The following SIRPA variants were observed in gnomAD, a reference collection of about 807,000 sequenced individuals.
SIRPA encodes signal regulatory protein alpha, also known as tyrosine-protein phosphatase non-receptor type substrate 1.
In SIRPA, 9 loss-of-function variants were observed where a neutral mutation model predicts 50.3. That is an observed-to-expected ratio of 0.18 (90% CI 0.11 to 0.31). SIRPA has a LOEUF of 0.31. SIRPA is among the 10% of genes least tolerant of loss of function. The pLI is 1.00. For synonymous variants in SIRPA, 265 were observed against 284.1 expected (o/e 0.93, Z 0.68); for missense variants, 474 against 661.6 (o/e 0.72, Z 3.11).
At chr20:1,908,601 A>C (rs980149829) in intron 1 of SIRPA, among the ~76,000 whole-genome samples, 1 of 152,026 alleles carries the variant, frequency 6.6e-6, no homozygotes, top group Non-Finnish European at 1.5e-5. Flanking sequence ...GTGCCCACCC[A>C]TGTGTACATG....
At position 1,928,818 on chromosome 20, in the gene SIRPA, G is replaced by C. The variant is rs942442155; in HGVS notation, c.1226+919G>C. Among the ~76,000 whole-genome samples, 1 of 152,172 alleles carries C rather than the reference G, an allele frequency of 6.6e-6. No homozygotes were observed. Among genetic ancestry groups the C allele is most frequent in the Non-Finnish European group, 1.5e-5 (1 of 68,030 alleles). On this transcript the variant is annotated intron_variant, in intron 6 of 7. Coordinates refer to ENST00000358771, the MANE Select transcript of SIRPA (RefSeq NM_001040023.2). This position sits in a 1 kb window ranked among gnomAD's most constrained non-coding sequence, Gnocchi z 4.9. ...GAAGACCCAGGTCCTCGGCATCCCG[G>C]TGTCCTTTGCAGATGCCCCTGCAGT...
chr20:1,895,114 C>T (rs1217879545), upstream of SIRPA, among the ~76,000 whole-genome samples: 2 of 151,622 alleles, frequency 1.3e-5, no homozygotes, highest in East Asian at 1.9e-4. Flanking sequence ...TTCTCCCCCT[C>T]TCGCCTCTCC....
At chr20:1,901,815 C>A (rs936341428) in intron 1 of SIRPA, among the ~76,000 whole-genome samples, 1 of 152,104 alleles carries the variant, frequency 6.6e-6, no homozygotes, top group Admixed American at 6.5e-5. Context: ...GCGCCAAGAG[C>A]CCAAGGAGAT....
intron 6 of SIRPA, among the ~76,000 whole-genome samples, chr20:1,930,310 A>G (rs920679386): frequency 1.3e-5 from 2 of 152,156 alleles, no homozygotes; most frequent in Non-Finnish European, 2.9e-5. Flanking sequence ...CACCTGTCCC[A>G]TTTCATAACC....
intron 1 of SIRPA, among the ~76,000 whole-genome samples, chr20:1,907,276 G>A (rs368779719): frequency 2.0e-5 from 3 of 152,206 alleles, no homozygotes; most frequent in Admixed American, 6.5e-5. Context: ...CTTCAATGCA[G>A]GTAGCAGTTT....
At position 1,937,453 on chromosome 20, in the gene SIRPA, C is replaced by A. The variant is rs1320556144; in HGVS notation, c.1400C>A (p.Thr467Asn). The change falls in exon 8 of 8, where the codon ACC becomes AAC. Residue 467 changes from threonine to asparagine, a missense_variant. By Grantham distance (65) the Thr-to-Asn change is moderately conservative. Transcript: ENST00000358771. This position sits in a 1 kb window ranked among gnomAD's most constrained non-coding sequence, Gnocchi z 8.3. Reference protein sequence around the residue: ...QTSPQPASEDTLTYADLDMVH... With the variant: ...QTSPQPASEDNLTYADLDMVH... ...AGCCCGCAGCCCGCGTCGGAGGACA[C>A]CCTCACCTATGCTGACCTGGACATG... 2 of 1,614,122 alleles carry A rather than the reference C, an allele frequency of 1.2e-6. No homozygotes were observed. The highest frequency in any genetic ancestry group is 1.3e-5 in the African/African-American group (1 of 74,998).
At position 1,937,528 on chromosome 20, in the gene SIRPA, CCTT is replaced by C; in HGVS notation, c.1478_1480del (p.Phe493del). On this transcript the variant is annotated inframe_deletion, in exon 8 of 8. Transcript: ENST00000358771. This position sits in a 1 kb window ranked among gnomAD's most constrained non-coding sequence, Gnocchi z 8.3. ...CAGCCGGCCCCCAAGCCTGAGCCGTCCTTCTCAGAGTACGCCAGCGTCCAGGTC... is the reference window on the plus strand; with the variant it reads ...CAGCCGGCCCCCAAGCCTGAGCCGTCCTCAGAGTACGCCAGCGTCCAGGTC... 2 of 1,614,176 alleles carry C rather than the reference CCTT, an allele frequency of 1.2e-6. No individual in the cohort carries two copies. Among genetic ancestry groups the C allele is most frequent in the South Asian group, 1.1e-5 (1 of 91,086 alleles).
In SIRPA at chr20:1,915,393, G is replaced by A. The variant is rs767136065; in HGVS notation, c.374G>A (p.Arg125Gln). Reference sequence around the variant, plus strand: ...GGCACCTACTACTGTGTGAAGTTCCGGAAAGGGAGCCCCGATGACGTGGAG... The same window carrying A: ...GGCACCTACTACTGTGTGAAGTTCCAGAAAGGGAGCCCCGATGACGTGGAG... ...DAGTYYCVKF[R>Q]KGSPDDVEFK... Residue 125 changes from arginine (R) to glutamine (Q), a missense_variant, in exon 2 of 8, where the codon CGG (arginine) becomes CAG (glutamine). This residue lies in a region of SIRPA where 221 missense variants were observed against 359.9 expected (regional missense o/e 0.61). Coordinates refer to ENST00000358771, the MANE Select transcript of SIRPA (RefSeq NM_001040023.2). 4 of 1,593,628 alleles carry A rather than the reference G, an allele frequency of 2.5e-6. No individual in the cohort carries two copies. The highest frequency in any genetic ancestry group is 1.4e-5 in the African/African-American group (1 of 71,226).
intron 1 of SIRPA, among the ~76,000 whole-genome samples, chr20:1,912,693 G>C (rs1485343954): frequency 6.6e-6 from 1 of 152,260 alleles, no homozygotes; most frequent in Non-Finnish European, 1.5e-5. Flanking sequence ...CCTCATGACT[G>C]TGCTGGGGTG....
chr20:1,915,569 T>C (rs987028361), intron 2 of SIRPA, 114 bp downstream of exon 2: 3 of 1,250,760 alleles, frequency 2.4e-6, no homozygotes, highest in Non-Finnish European at 3.4e-6. Context: ...TTTCCATGAA[T>C]TGATGTCTCC....
rs545751731 is a variant in SIRPA at position 1,901,355 on chromosome 20, G to A, written c.79+5829G>A. 2.0e-4 allele frequency among the ~76,000 whole-genome samples: 30 copies of A among 151,906 alleles called. No individual in the cohort carries two copies. The East Asian group carries it at 5.4e-3, about 28-fold the overall frequency. On this transcript the variant is annotated intron_variant, in intron 1 of 7. Transcript: ENST00000358771. ...CCAGCTAATTTTTGTGTTTTTAGTA[G>A]AGACTGGGTTTCACCATATTGATCA...
chr20:1,899,904 C>T (rs4813309), intron 1 of SIRPA, among the ~76,000 whole-genome samples: 28,257 of 152,092 alleles, frequency 0.19, 3,387 homozygotes, highest in East Asian at 0.64. Flanking sequence ...ATGTAGTAAG[C>T]ACTCAATACA....
rs74533271 is a variant in SIRPA at position 1,931,645 on chromosome 20, C to T, written c.1227-3070C>T. Among the ~76,000 whole-genome samples, 789 of 152,234 alleles carry T rather than the reference C, an allele frequency of 5.2e-3. 7 individuals carry two copies. The highest frequency in any genetic ancestry group is 0.018 in the African/African-American group (765 of 41,538). On this transcript the variant is annotated intron_variant, in intron 6 of 7. Coordinates refer to ENST00000358771, the MANE Select transcript of SIRPA (RefSeq NM_001040023.2). The stretch of plus-strand genomic sequence containing the variant: ...CTGGGATCAGACATTTTCCAGAGGA[C>T]GTTGGTGTGAGTAACAGCTGAGCAC...
At chr20:1,908,884 C>T (rs1416977163) in intron 1 of SIRPA, among the ~76,000 whole-genome samples, 5 of 152,162 alleles carry the variant, frequency 3.3e-5, no homozygotes, top group African/African-American at 7.2e-5. Context: ...TGTTTGCATC[C>T]GCCTTAATGC....
Position 1,939,903 on chromosome 20 carries a change from G to A in SIRPA, c.*2335G>A, listed in dbSNP as rs762866566. ...TTTCTGGGTAATAATGAGTCCTTCC[G>A]GTGTTCAGTATTCTTGTCTTTGTGA... On this transcript the variant is annotated 3_prime_UTR_variant, in exon 8 of 8. Coordinates refer to ENST00000358771, the MANE Select transcript of SIRPA (RefSeq NM_001040023.2). The surrounding 1 kb of genome is among the most constrained non-coding windows in gnomAD (Gnocchi z 4.7). The A allele has an allele frequency of 5.9e-5, 9 of 152,582 alleles. No homozygotes were observed. Among genetic ancestry groups the A allele is most frequent in the Admixed American group, 2.0e-4 (3 of 15,282 alleles). The allele number at this position is 152,582 out of a possible 1,614,324, so 9.5% of individuals were successfully genotyped here. A position where few individuals can be genotyped will look rare whatever the true frequency, so the allele number is the denominator to read the frequency against.
Position 1,937,463 on chromosome 20 carries a change from T to C in SIRPA, c.1410T>C (p.Tyr470=), listed in dbSNP as rs764268777. The C allele has an allele frequency of 1.2e-6, 2 of 1,614,116 alleles. No individual in the cohort carries two copies. The highest frequency in any genetic ancestry group is 1.7e-6 in the Non-Finnish European group (2 of 1,180,020). ...CCGCGTCGGAGGACACCCTCACCTA[T>C]GCTGACCTGGACATGGTCCACCTCA... ...PQPASEDTLT[Y]ADLDMVHLNR... Residue 470 remains tyrosine, a synonymous_variant, in exon 8 of 8, where the codon TAT becomes TAC. Transcript: ENST00000358771. This position sits in a 1 kb window ranked among gnomAD's most constrained non-coding sequence, Gnocchi z 8.3.
At chr20:1,909,870 A>G (rs549827040) in intron 1 of SIRPA, among the ~76,000 whole-genome samples, 12 of 152,200 alleles carry the variant, frequency 7.9e-5, no homozygotes, top group Non-Finnish European at 1.3e-4. Flanking sequence ...ACACATGAAC[A>G]TTGTTTTTTA....
chr20:1,895,799 C>T (rs1010557760), intron 1 of SIRPA, among the ~76,000 whole-genome samples: 3 of 152,210 alleles, frequency 2.0e-5, no homozygotes, highest in African/African-American at 4.8e-5. Context: ...GACAAAAGAG[C>T]CGAGTTGCTT....
chr20:1,928,026 T>C lies in SIRPA; in HGVS notation c.1226+127T>C. 1.2e-6 allele frequency: 1 copy of C among 841,860 alleles called. No homozygotes were observed. Among genetic ancestry groups the C allele is most frequent in the South Asian group, 1.4e-5 (1 of 73,122 alleles). The allele number at this position is 841,860 out of a possible 1,614,324, so 52.1% of individuals were successfully genotyped here. The stretch of plus-strand genomic sequence containing the variant: ...GTGTTGGTCAACATGTCTCTTTCTC[T>C]CCTTTGTAACCTCCTCACACTGGGT... On this transcript the variant is annotated intron_variant, in intron 6 of 7. Transcript: ENST00000358771. The surrounding 1 kb of genome is among the most constrained non-coding windows in gnomAD (Gnocchi z 4.9).
Sources: allele counts gnomAD v4.1 joint callset (sites outside exome capture counted in the v4.1 genomes callset), GRCh38; gene constraint gnomAD v4.1.1; regional missense constraint gnomAD v4.1.1; non-coding constraint Gnocchi (gnomAD v3.1); transcripts MANE v1.5; gene names NCBI Gene and HGNC (gene_info 2026-07-23, HGNC 2026-07-21).